FAT3: variants seen among roughly 807,000 people sequenced by gnomAD.
FAT3 encodes protocadherin Fat 3.
Under a neutral mutation model 310.2 loss-of-function variants are expected in FAT3, and 95 were observed. The ratio of observed to expected loss-of-function variants is 0.31; its 90% confidence interval spans 0.26 to 0.36. The LOEUF is 0.36. FAT3 is among the 10% of genes least tolerant of loss of function. The pLI, the probability that FAT3 is intolerant of heterozygous loss-of-function variation, is 1.00. For synonymous variants in FAT3, 2,314 were observed against 2,192.9 expected (o/e 1.06, Z -1.54); for missense variants, 5,408 against 5,715.6 (o/e 0.95, Z 1.74).
Position 92,765,098 on chromosome 11 carries a change from G to T in FAT3, c.4195+9G>T. ...GTGGTTTGACATAGTTGGTAAGTTC[G>T]AGTCTTACAGAGCAGTATCATGCAA... On this transcript the variant is annotated intron_variant, in intron 6 of 27. Coordinates refer to ENST00000525166, the MANE Select transcript of FAT3 (RefSeq NM_001367949.2). 6.2e-7 allele frequency: 1 copy of T among 1,607,912 alleles called. No homozygotes were observed. The highest frequency in any genetic ancestry group is 1.1e-5 in the South Asian group (1 of 90,520).
Position 92,883,059 on chromosome 11 carries a change from T to C in FAT3, c.12603T>C (p.Leu4201=), listed in dbSNP as rs755827845. ...LVQDPATAAL[L]NKSNGIPFRN... ...AGGACCCGGCCACCGCCGCCCTGCT[T>C]AACAAGAGCAATGGCATCCCGTTCC... The change falls in exon 24 of 28, where the codon CTT becomes CTC. Residue 4201 remains leucine, a synonymous_variant. Transcript: ENST00000525166. This position sits in a 1 kb window ranked among gnomAD's most constrained non-coding sequence, Gnocchi z 4.2. The C allele has an allele frequency of 1.2e-6, 2 of 1,613,940 alleles. No individual in the cohort carries two copies. Among genetic ancestry groups the C allele is most frequent in the East Asian group, 2.2e-5 (1 of 44,868 alleles).
chr11:92,296,763 T>C (rs1158458498), intron 1 of FAT3, among the ~76,000 whole-genome samples: 1 of 152,150 alleles, frequency 6.6e-6, no homozygotes, highest in African/African-American at 2.4e-5. Flanking sequence ...TGTTTGCGGA[T>C]GGTGCCTGAA....
intron 3 of FAT3, among the ~76,000 whole-genome samples, chr11:92,655,016 C>T (rs1942529655): frequency 6.6e-6 from 1 of 152,156 alleles, no homozygotes; most frequent in Non-Finnish European, 1.5e-5. Context: ...CTATAATGAC[C>T]TCTTCCAGGT....
At chr11:92,718,288 G>A (rs1944750367) in intron 4 of FAT3, among the ~76,000 whole-genome samples, 2 of 152,150 alleles carry the variant, frequency 1.3e-5, no homozygotes, top group Admixed American at 6.5e-5. Context: ...AGCTTTCTGG[G>A]GAGAACAGGG....
chr11:92,857,588 A>G (rs914313946), intron 20 of FAT3, among the ~76,000 whole-genome samples: 2 of 152,340 alleles, frequency 1.3e-5, no homozygotes, highest in South Asian at 2.1e-4. Flanking sequence ...AGAGACTGCA[A>G]CATGTGTTTT....
chr11:92,802,034 G>A, intron 10 of FAT3, 125 bp downstream of exon 10: 1 of 939,722 alleles, frequency 1.1e-6, no homozygotes, highest in Non-Finnish European at 1.6e-6. Context: ...AGCCTCTCTG[G>A]AGCTGAGTAA....
rs185936953 is a variant in FAT3, at chr11:92,253,719, C to T, written c.-18+28545C>T. 3.9e-5 allele frequency among the ~76,000 whole-genome samples: 6 copies of T among 152,170 alleles called. No individual in the cohort carries two copies. The East Asian group carries it at 9.7e-4, about 25-fold the overall frequency. Reference sequence around the variant, plus strand: ...AATATGAAGCAATACTATTTTTAGTCAAAATTGTGACTGTGGTTTAGTCAT... The same window carrying T: ...AATATGAAGCAATACTATTTTTAGTTAAAATTGTGACTGTGGTTTAGTCAT... On this transcript the variant is annotated intron_variant, in intron 1 of 27. Transcript: ENST00000525166.
At chr11:92,465,245 A>T (rs1951731365) in intron 2 of FAT3, among the ~76,000 whole-genome samples, 1 of 152,202 alleles carries the variant, frequency 6.6e-6, no homozygotes, top group South Asian at 2.1e-4. Flanking sequence ...TGCATTTTAA[A>T]TGTTGAGTAT....
chr11:92,509,427 A>G (rs1336480410), intron 2 of FAT3, among the ~76,000 whole-genome samples: 1 of 152,210 alleles, frequency 6.6e-6, no homozygotes, highest in Non-Finnish European at 1.5e-5. Context: ...TATAATAGTG[A>G]AAAATTTTAA....
intron 2 of FAT3, among the ~76,000 whole-genome samples, chr11:92,496,096 G>A (rs1034630028): frequency 3.9e-5 from 6 of 151,990 alleles, no homozygotes; most frequent in Admixed American, 3.9e-4. Flanking sequence ...ATTTGGGTGA[G>A]GTCTTCAGTT....
intron 3 of FAT3, among the ~76,000 whole-genome samples, chr11:92,582,541 G>A (rs1411668737): frequency 6.6e-6 from 1 of 151,972 alleles, no homozygotes; most frequent in Non-Finnish European, 1.5e-5. Flanking sequence ...CTGAGAGGTA[G>A]GTATTTCTTA....
intron 3 of FAT3, among the ~76,000 whole-genome samples, chr11:92,567,058 G>T (rs1591461570): frequency 6.6e-6 from 1 of 152,074 alleles, no homozygotes; most frequent in East Asian, 1.9e-4. Context: ...AAACTAAAGA[G>T]CTTCTGCACA....
At chr11:92,428,693 T>C (rs1310142921) in intron 2 of FAT3, among the ~76,000 whole-genome samples, 9 of 152,190 alleles carry the variant, frequency 5.9e-5, no homozygotes. Flanking sequence ...TTGTGCAGTT[T>C]TGAGTGAGTT....
chr11:92,241,039 C>T (rs1471292903), intron 1 of FAT3, among the ~76,000 whole-genome samples: 1 of 151,884 alleles, frequency 6.6e-6, no homozygotes, highest in Non-Finnish European at 1.5e-5. Context: ...AACAGCATTG[C>T]AGTTTCAGAC....
chr11:92,447,964 G>C (rs909084503), intron 2 of FAT3, among the ~76,000 whole-genome samples: 33 of 152,066 alleles, frequency 2.2e-4, no homozygotes, highest in Non-Finnish European at 2.9e-4. Flanking sequence ...AGTTTTTAAA[G>C]GTCATTCTCT....
chr11:92,477,097 T>C (rs1952070194), intron 2 of FAT3, among the ~76,000 whole-genome samples: 1 of 152,360 alleles, frequency 6.6e-6, no homozygotes, highest in East Asian at 1.9e-4. Flanking sequence ...TAATGAACTT[T>C]AGTAGTGAAT....
At chr11:92,479,393 A>G (rs554178029) in intron 2 of FAT3, among the ~76,000 whole-genome samples, 42 of 152,228 alleles carry the variant, frequency 2.8e-4, no homozygotes, top group African/African-American at 9.6e-4. Flanking sequence ...AGCGACTCCA[A>G]AGTTTTAAAA....
chr11:92,784,534 C>G (rs1946838066), intron 7 of FAT3, among the ~76,000 whole-genome samples: 1 of 152,152 alleles, frequency 6.6e-6, no homozygotes. Context: ...CCTGCAAAAC[C>G]CGAAGTGTTT....
At chr11:92,373,501 T>C (rs1041484609) in intron 2 of FAT3, among the ~76,000 whole-genome samples, 1 of 152,224 alleles carries the variant, frequency 6.6e-6, no homozygotes, top group Non-Finnish European at 1.5e-5. Flanking sequence ...TGTGTCTACC[T>C]TGTGCATTCT....
Sources: allele counts gnomAD v4.1 joint callset (sites outside exome capture counted in the v4.1 genomes callset), GRCh38; gene constraint gnomAD v4.1.1; non-coding constraint Gnocchi (gnomAD v3.1); transcripts MANE v1.5; gene names NCBI Gene and HGNC (gene_info 2026-07-23, HGNC 2026-07-21).